CNTN5: variants seen among roughly 807,000 people sequenced by gnomAD.
CNTN5 encodes the protein contactin-5.
A neutral mutation model predicts 129.1 loss-of-function variants in CNTN5; 77 were observed. The observed-to-expected ratio is 0.60, with a 90% CI of 0.50 to 0.72. The LOEUF is 0.72. CNTN5 is among the 30% of genes least tolerant of loss of function. The pLI is 0.00. For synonymous variants in CNTN5, 509 were observed against 465.6 expected (o/e 1.09, Z -1.20); for missense variants, 1,478 against 1,328.8 (o/e 1.11, Z -1.75).
intron 1 of CNTN5, among the ~76,000 whole-genome samples, chr11:99,291,937 T>C (rs1235360049): frequency 6.6e-6 from 1 of 152,190 alleles, no homozygotes; most frequent in Non-Finnish European, 1.5e-5. Flanking sequence ...CATGCTGTGA[T>C]TTTGCAAACT....
intron 15 of CNTN5, among the ~76,000 whole-genome samples, chr11:100,207,169 TA>T (rs1427726296): frequency 1.3e-5 from 2 of 152,142 alleles, no homozygotes; most frequent in East Asian, 1.9e-4. Context: ...TTTAACATGA[TA>T]AGCTTTATAG....
At chr11:100,333,143 G>A (rs1358030662) in intron 21 of CNTN5, among the ~76,000 whole-genome samples, 2 of 152,022 alleles carry the variant, frequency 1.3e-5, no homozygotes, top group African/African-American at 4.8e-5. Flanking sequence ...CAGCAGCCAA[G>A]CTGAGAATCA....
At chr11:99,056,191 G>GTA (rs1010715162) in intron 1 of CNTN5, among the ~76,000 whole-genome samples, 6 of 151,736 alleles carry the variant, frequency 4.0e-5, no homozygotes, top group Admixed American at 1.3e-4. Context: ...AAGCCATGTA[G>GTA]TATATATATA....
At chr11:100,243,303 A>G (rs1053619862) in intron 16 of CNTN5, among the ~76,000 whole-genome samples, 1 of 152,248 alleles carries the variant, frequency 6.6e-6, no homozygotes, top group South Asian at 2.1e-4. Flanking sequence ...GTGTTCACTG[A>G]CATTTTATGT....
At chr11:99,047,816 A>G (rs770904257) in intron 1 of CNTN5, among the ~76,000 whole-genome samples, 10 of 152,112 alleles carry the variant, frequency 6.6e-5, no homozygotes, top group Non-Finnish European at 1.3e-4. Context: ...CAAATATGGC[A>G]GCATTTACAT....
intron 7 of CNTN5, among the ~76,000 whole-genome samples, chr11:99,953,514 C>A (rs532804745): frequency 2.0e-5 from 3 of 152,274 alleles, no homozygotes; most frequent in South Asian, 4.1e-4. Flanking sequence ...GTATCAGAAA[C>A]AAATAAGAAC....
chr11:100,152,146 G>A (rs182830665), intron 13 of CNTN5, among the ~76,000 whole-genome samples: 71 of 152,236 alleles, frequency 4.7e-4, no homozygotes, highest in African/African-American at 1.5e-3. Context: ...TGCCTGAATT[G>A]TTGTGACTTC....
intron 2 of CNTN5, among the ~76,000 whole-genome samples, chr11:99,416,112 A>G (rs1408900287): frequency 6.6e-6 from 1 of 152,128 alleles, no homozygotes; most frequent in Non-Finnish European, 1.5e-5. Flanking sequence ...CCTTGGTGGG[A>G]GTATTTAGAC....
chr11:99,407,596 A>G (rs1235196606), intron 2 of CNTN5, among the ~76,000 whole-genome samples: 2 of 151,938 alleles, frequency 1.3e-5, no homozygotes, highest in Non-Finnish European at 1.5e-5. Context: ...CTATCCCCCA[A>G]CTCAACTGGC....
chr11:100,176,647 A>G (rs890383380), intron 13 of CNTN5, among the ~76,000 whole-genome samples: 1 of 152,092 alleles, frequency 6.6e-6, no homozygotes, highest in Non-Finnish European at 1.5e-5. Flanking sequence ...TGACCACTGA[A>G]AAGCATGTGG....
chr11:100,186,983 G>C (rs371443788), intron 13 of CNTN5, among the ~76,000 whole-genome samples: 1 of 152,122 alleles, frequency 6.6e-6, no homozygotes, highest in Non-Finnish European at 1.5e-5. Context: ...TCAGTAGACA[G>C]AATTTTGGAG....
chr11:99,929,129 C>G (rs1381402306), intron 7 of CNTN5, among the ~76,000 whole-genome samples: 1 of 152,178 alleles, frequency 6.6e-6, no homozygotes, highest in Non-Finnish European at 1.5e-5. Flanking sequence ...TATTCCAGTT[C>G]CCAACAAGTT....
intron 1 of CNTN5, among the ~76,000 whole-genome samples, chr11:99,024,533 A>G (rs1591061974): frequency 1.3e-5 from 2 of 152,094 alleles, no homozygotes; most frequent in African/African-American, 4.8e-5. Context: ...TGCCTATTAT[A>G]AATATTTGCA....
intron 1 of CNTN5, among the ~76,000 whole-genome samples, chr11:99,061,991 C>CA (rs34784983): frequency 0.04 from 5,783 of 142,844 alleles, 140 homozygotes; most frequent in Middle Eastern, 0.07. Context: ...GATCCTGTCT[C>CA]AAAAAAAAAA....
At chr11:99,213,214 T>A (rs917408632) in intron 1 of CNTN5, among the ~76,000 whole-genome samples, 22 of 107,034 alleles carry the variant, frequency 2.1e-4, no homozygotes, top group Non-Finnish European at 3.9e-4. Context: ...TATATATATG[T>A]GTGTGTATAT....
chr11:99,806,030 G>A (rs951685551), intron 3 of CNTN5, among the ~76,000 whole-genome samples: 13 of 152,148 alleles, frequency 8.5e-5, no homozygotes, highest in African/African-American at 2.7e-4. Flanking sequence ...TTTCTTTAAA[G>A]CATTGTGTCT....
intron 11 of CNTN5, 74 bp downstream of exon 11, chr11:100,070,634 T>C: frequency 7.0e-7 from 1 of 1,435,840 alleles, no homozygotes; most frequent in Non-Finnish European, 9.7e-7. Flanking sequence ...TAGGCTTCTT[T>C]AGTCTTATTG....
intron 8 of CNTN5, among the ~76,000 whole-genome samples, chr11:99,965,036 T>C (rs1489897300): frequency 6.6e-6 from 1 of 152,212 alleles, no homozygotes; most frequent in Non-Finnish European, 1.5e-5. Context: ...TTGCGTCTAT[T>C]TGATTCTTCT....
At chr11:99,183,341 T>G (rs756929242) in intron 1 of CNTN5, among the ~76,000 whole-genome samples, 25 of 152,150 alleles carry the variant, frequency 1.6e-4, no homozygotes, top group Non-Finnish European at 2.5e-4. Flanking sequence ...GTAGAAATTA[T>G]TTCAGAAACC....
Sources: gnomAD v4.1 joint callset for allele counts (sites outside exome capture counted in the v4.1 genomes callset) on GRCh38, gnomAD v4.1.1 for gene constraint, MANE v1.5 for transcripts, NCBI Gene and HGNC (gene_info 2026-07-23, HGNC 2026-07-21) for gene names.